The following NAV3 variants were observed in gnomAD, a reference collection of about 807,000 sequenced individuals.
NAV3 encodes the protein pore membrane and/or filament interacting like protein 1.
Under a neutral mutation model 244.7 loss-of-function variants are expected in NAV3, and 87 were observed. That is an observed-to-expected ratio of 0.36 (90% confidence interval 0.30 to 0.42). The LOEUF (loss-of-function observed/expected upper bound fraction) is 0.42. Among genes scored for constraint, NAV3 ranks in the 20% least tolerant of loss-of-function variants. The pLI is 1.00. For synonymous variants in NAV3, 1,126 were observed against 1,042.2 expected (o/e 1.08, Z -1.55); for missense variants, 2,663 against 2,893.3 (o/e 0.92, Z 1.83).
At chr12:77,863,871 T>C (rs1879622546) in intron 1 of NAV3, among the ~76,000 whole-genome samples, 1 of 151,982 alleles carries the variant, frequency 6.6e-6, no homozygotes, top group African/African-American at 2.4e-5. Context: ...ATTTTCATTC[T>C]TTGTTTTTAT....
At chr12:77,668,427 G>A (rs1873817168) in intron 2 of NAV3, among the ~76,000 whole-genome samples, 2 of 152,024 alleles carry the variant, frequency 1.3e-5, no homozygotes, top group African/African-American at 2.4e-5. Context: ...GAAATAAATA[G>A]CATAAATAAA....
At chr12:78,102,860 C>T (rs1254033453) in intron 12 of NAV3, among the ~76,000 whole-genome samples, 1 of 152,164 alleles carries the variant, frequency 6.6e-6, no homozygotes, top group East Asian at 1.9e-4. Context: ...GGACACAGGG[C>T]ACCAAGTCTC....
At chr12:77,753,838 A>G (rs2135808826) in intron 2 of NAV3, among the ~76,000 whole-genome samples, 1 of 152,322 alleles carries the variant, frequency 6.6e-6, no homozygotes, top group South Asian at 2.1e-4. Context: ...TACTGAGGAA[A>G]GGATAAGTTG....
At position 78,185,608 on chromosome 12, in the gene NAV3, G is replaced by A. The variant is rs762193038; in HGVS notation, c.5700G>A (p.Leu1900=). The change falls in exon 31 of 40, where the codon TTG becomes TTA. Residue 1900 remains leucine, a synonymous_variant. Transcript: ENST00000397909. ...TCTTTTAAAATTTGATAGATATTTT[G>A]CTAGATGATGCTGGTGATGCAACTG... ...NITEAVSSDI[L]LDDAGDATGH... 6.2e-7 allele frequency: 1 copy of A among 1,607,564 alleles called. No homozygotes were observed. Among genetic ancestry groups the A allele is most frequent in the South Asian group, 1.1e-5 (1 of 90,876 alleles).
chr12:77,623,255 C>T (rs1386781690), intron 2 of NAV3, among the ~76,000 whole-genome samples: 3 of 151,902 alleles, frequency 2.0e-5, no homozygotes, highest in Admixed American at 1.3e-4. Context: ...AATAAAATAA[C>T]AAAATTAGTT....
intron 2 of NAV3, among the ~76,000 whole-genome samples, chr12:77,783,103 CTT>C (rs796784947): frequency 2.8e-5 from 4 of 144,948 alleles, no homozygotes; most frequent in African/African-American, 1.0e-4. Flanking sequence ...TATATGATTG[CTT>C]TTTTTTTTTC....
intron 1 of NAV3, among the ~76,000 whole-genome samples, chr12:77,933,579 T>C (rs1373321688): frequency 6.6e-6 from 1 of 152,202 alleles, no homozygotes; most frequent in Non-Finnish European, 1.5e-5. Flanking sequence ...GAGCTTTCAT[T>C]TTAATGTGAA....
chr12:77,912,133 G>C (rs1220585301), intron 1 of NAV3, among the ~76,000 whole-genome samples: 1 of 152,154 alleles, frequency 6.6e-6, no homozygotes, highest in Non-Finnish European at 1.5e-5. Flanking sequence ...TACCAAAAAA[G>C]ATGTGTTGAA....
chr12:78,066,492 A>G (rs1160916200), intron 12 of NAV3, among the ~76,000 whole-genome samples: 1 of 152,102 alleles, frequency 6.6e-6, no homozygotes, highest in Non-Finnish European at 1.5e-5. Flanking sequence ...AAGGAGAGAA[A>G]GGCAAAGCTC....
intron 2 of NAV3, among the ~76,000 whole-genome samples, chr12:77,613,730 A>G (rs1473002840): frequency 1.4e-4 from 21 of 152,018 alleles, no homozygotes; most frequent in Non-Finnish European, 1.5e-5. Context: ...ACCCCCACAC[A>G]CTGCCATTTG....
At chr12:78,088,409 T>A (rs574846954) in intron 12 of NAV3, among the ~76,000 whole-genome samples, 1 of 152,230 alleles carries the variant, frequency 6.6e-6, no homozygotes, top group South Asian at 2.1e-4. Context: ...AACAATGTTA[T>A]CTCAACTGAG....
intron 34 of NAV3, among the ~76,000 whole-genome samples, chr12:78,194,674 C>A (rs754797397): frequency 3.3e-5 from 5 of 152,042 alleles, no homozygotes; most frequent in Non-Finnish European, 5.9e-5. Context: ...AGATGTCCAG[C>A]GATCTTACTA....
chr12:77,901,017 C>T (rs1885224326), intron 1 of NAV3, among the ~76,000 whole-genome samples: 1 of 152,138 alleles, frequency 6.6e-6, no homozygotes, highest in Non-Finnish European at 1.5e-5. Context: ...TTGTTGGCCC[C>T]TTGTATGTCC....
intron 2 of NAV3, among the ~76,000 whole-genome samples, chr12:77,715,680 C>A (rs957141936): frequency 1.3e-5 from 2 of 151,844 alleles, no homozygotes; most frequent in Non-Finnish European, 2.9e-5. Context: ...TTTTCAATGT[C>A]TTTTGTAGCT....
chr12:77,591,788 T>C (rs143375368), intron 2 of NAV3, among the ~76,000 whole-genome samples: 1 of 152,344 alleles, frequency 6.6e-6, no homozygotes, highest in African/African-American at 2.4e-5. Flanking sequence ...TATACTTATA[T>C]ATGTATGTGT....
intron 18 of NAV3, among the ~76,000 whole-genome samples, chr12:78,133,016 C>T (rs1956228239): frequency 6.6e-6 from 1 of 152,174 alleles, no homozygotes; most frequent in South Asian, 2.1e-4. Flanking sequence ...ATCTGTCTCT[C>T]ATTTTCAGGG....
At chr12:77,848,258 C>T (rs766667256) in intron 1 of NAV3, among the ~76,000 whole-genome samples, 22 of 152,192 alleles carry the variant, frequency 1.4e-4, no homozygotes, top group Non-Finnish European at 2.1e-4. Flanking sequence ...ACTTGGATTT[C>T]CTGGCAATGT....
chr12:78,210,629 C>G lies in NAV3; in HGVS notation c.*112C>G, dbSNP rs539192627. 17 of 1,318,298 alleles carry G rather than the reference C, an allele frequency of 1.3e-5. No homozygotes were observed. In the African/African-American group the frequency reaches 1.9e-4, roughly 15 times the overall value. 81.7% of individuals were successfully genotyped at this position (1,318,298 alleles called of 1,614,324 possible). A position where few individuals can be genotyped will look rare whatever the true frequency, so the allele number is the denominator to read the frequency against. The stretch of plus-strand genomic sequence containing the variant: ...AAAGCACCCTGTCAAGGGCCCTGAC[C>G]CAGAGTTGTGGTCTCCAAGGAGGCA... On this transcript the variant is annotated 3_prime_UTR_variant, in exon 40 of 40. Coordinates refer to ENST00000397909, the MANE Select transcript of NAV3 (RefSeq NM_001024383.2).
intron 12 of NAV3, among the ~76,000 whole-genome samples, chr12:78,090,366 C>T (rs1312983696): frequency 6.6e-6 from 1 of 151,594 alleles, no homozygotes; most frequent in Non-Finnish European, 1.5e-5. Flanking sequence ...ATAAAAAATT[C>T]AAACATGTTA....
Sources: allele counts gnomAD v4.1 joint callset (sites outside exome capture counted in the v4.1 genomes callset), GRCh38; gene constraint gnomAD v4.1.1; transcripts MANE v1.5; gene names NCBI Gene and HGNC (gene_info 2026-07-23, HGNC 2026-07-21).